The following CTNNA3 variants were observed in gnomAD, a reference collection of about 807,000 sequenced individuals.
The protein encoded by CTNNA3 is catenin alpha-3.
CTNNA3 carries 76 observed loss-of-function variants against 95.7 expected under a neutral mutation model. That is an observed-to-expected ratio of 0.79 (90% CI 0.66 to 0.96). The LOEUF is 0.96. Among genes scored for constraint, CTNNA3 ranks in the 40% least tolerant of loss-of-function variants. CTNNA3 has a pLI of 0.00. For missense variants in CTNNA3, 1,191 were observed against 1,089.8 expected (o/e 1.09, Z -1.31); for synonymous variants, 431 against 374.4 (o/e 1.15, Z -1.74).
At chr10:67,093,335 A>G (rs1002226903) in intron 7 of CTNNA3, among the ~76,000 whole-genome samples, 2 of 151,988 alleles carry the variant, frequency 1.3e-5, no homozygotes, top group Non-Finnish European at 2.9e-5. Context: ...AGGTTGACTA[A>G]GTCATTTATT....
chr10:66,633,836 G>A (rs996450373), intron 9 of CTNNA3, among the ~76,000 whole-genome samples: 3 of 151,928 alleles, frequency 2.0e-5, no homozygotes, highest in Admixed American at 6.6e-5. Context: ...TTTCTATATC[G>A]ACTGAAGTTT....
intron 7 of CTNNA3, among the ~76,000 whole-genome samples, chr10:67,129,286 G>A (rs1859874673): frequency 6.6e-6 from 1 of 151,936 alleles, no homozygotes; most frequent in Non-Finnish European, 1.5e-5. Flanking sequence ...CAATTGCCTT[G>A]GAACATTAAC....
chr10:66,036,873 T>A (rs3901431), intron 15 of CTNNA3, among the ~76,000 whole-genome samples: 14,589 of 135,656 alleles, frequency 0.11, 811 homozygotes, highest in Non-Finnish European at 0.15. Context: ...TTTTTTTTTT[T>A]TTTTTTTTTT....
In CTNNA3 at chr10:65,920,446, A is replaced by C; in HGVS notation, c.2572T>G (p.Leu858Val). The C allele has an allele frequency of 6.2e-7, 1 of 1,614,006 alleles. No individual in the cohort carries two copies. The highest frequency in any genetic ancestry group is 8.5e-7 in the Non-Finnish European group (1 of 1,179,992). ...TCCTCTGGCTTCTCTCTTTTAATCA[A>C]GGGTTTTTTTGCAGGAGCCTTCATT... ...WRMKAPAKKP[L>V]IKREKPEETC... Residue 858 changes from leucine (L) to valine (V), a missense_variant, in exon 18 of 18, where the codon TTG (leucine) becomes GTG (valine). Leu to Val is a conservative substitution (Grantham distance 32). Transcript: ENST00000433211.
At chr10:67,659,139 A>C (rs1840108833) in intron 1 of CTNNA3, among the ~76,000 whole-genome samples, 2 of 152,336 alleles carry the variant, frequency 1.3e-5, no homozygotes, top group African/African-American at 2.4e-5. Context: ...AACCAATATG[A>C]AATATGAAAA....
intron 5 of CTNNA3, among the ~76,000 whole-genome samples, chr10:67,253,917 T>C (rs1866221396): frequency 1.3e-5 from 2 of 152,166 alleles, no homozygotes; most frequent in African/African-American, 4.8e-5. Flanking sequence ...GGATCCAGTA[T>C]ACCAGGAATG....
intron 10 of CTNNA3, 34 bp from the exon 11 acceptor site, chr10:66,520,807 G>T (rs778213701): frequency 1.2e-5 from 19 of 1,571,300 alleles, no homozygotes; most frequent in Non-Finnish European, 1.6e-5. Context: ...ATTACCTATT[G>T]GTTGCAATGT....
intron 7 of CTNNA3, among the ~76,000 whole-genome samples, chr10:66,964,779 G>A (rs563255022): frequency 4.4e-4 from 67 of 152,234 alleles, no homozygotes; most frequent in African/African-American, 1.5e-3. Flanking sequence ...GAAAAGGGAG[G>A]AGATAAAGCA....
chr10:67,712,394 A>C (rs1841116561), intron 1 of CTNNA3, among the ~76,000 whole-genome samples: 1 of 152,248 alleles, frequency 6.6e-6, no homozygotes, highest in South Asian at 2.1e-4. Flanking sequence ...TCTCCAAGGC[A>C]TACCAGAGGT....
chr10:67,567,723 T>G (rs1277817393), intron 3 of CTNNA3, among the ~76,000 whole-genome samples: 2 of 152,084 alleles, frequency 1.3e-5, no homozygotes, highest in African/African-American at 4.8e-5. Context: ...TTCATGTATG[T>G]TTACTGGGAG....
At chr10:66,793,280 TACAG>T (rs1346636191) in intron 7 of CTNNA3, among the ~76,000 whole-genome samples, 2 of 152,098 alleles carry the variant, frequency 1.3e-5, no homozygotes, top group Non-Finnish European at 2.9e-5. Context: ...TAGCTGGGAC[TACAG>T]GTGCACATCA....
chr10:66,767,694 A>C (rs1334091181), intron 8 of CTNNA3, among the ~76,000 whole-genome samples: 1 of 152,182 alleles, frequency 6.6e-6, no homozygotes, highest in Non-Finnish European at 1.5e-5. Context: ...AATGAATAGT[A>C]ATACATTTTG....
At chr10:66,503,869 A>G (rs1484298897) in intron 11 of CTNNA3, among the ~76,000 whole-genome samples, 1 of 152,160 alleles carries the variant, frequency 6.6e-6, no homozygotes, top group African/African-American at 2.4e-5. Context: ...TTTTAGTAAG[A>G]ACGATAGGCA....
At chr10:66,042,941 T>C (rs1000356921) in intron 15 of CTNNA3, among the ~76,000 whole-genome samples, 1 of 74,180 alleles carries the variant, frequency 1.3e-5, no homozygotes, top group Non-Finnish European at 2.7e-5. Context: ...AAAATAAAAA[T>C]AATGAGAATA....
At chr10:67,722,326 C>T (rs1449514813) in intron 1 of CTNNA3, among the ~76,000 whole-genome samples, 1 of 152,148 alleles carries the variant, frequency 6.6e-6, no homozygotes, top group East Asian at 1.9e-4. Flanking sequence ...TTCAGTAGTA[C>T]TAGGCCAGCT....
intron 7 of CTNNA3, among the ~76,000 whole-genome samples, chr10:66,779,165 T>C (rs1438876788): frequency 6.6e-6 from 1 of 152,136 alleles, no homozygotes; most frequent in Non-Finnish European, 1.5e-5. Flanking sequence ...ATCATTGTGT[T>C]CAAAGCCTCA....
intron 14 of CTNNA3, among the ~76,000 whole-genome samples, chr10:66,095,833 C>G (rs76732119): frequency 0.026 from 3,930 of 152,154 alleles, 91 homozygotes; most frequent in Non-Finnish European, 0.039. Context: ...TAAATTACTT[C>G]TATTTATAGA....
At chr10:66,370,083 T>G (rs2092742876) in intron 12 of CTNNA3, among the ~76,000 whole-genome samples, 1 of 152,132 alleles carries the variant, frequency 6.6e-6, no homozygotes, top group Non-Finnish European at 1.5e-5. Context: ...CGAATTCACA[T>G]GGTTTATGTT....
At chr10:66,898,168 A>C (rs899874277) in intron 7 of CTNNA3, among the ~76,000 whole-genome samples, 7 of 152,226 alleles carry the variant, frequency 4.6e-5, no homozygotes, top group Non-Finnish European at 7.4e-5. Flanking sequence ...ATGACATTTA[A>C]AAACAACTCA....
Sources: gnomAD v4.1 joint callset for allele counts (sites outside exome capture counted in the v4.1 genomes callset) on GRCh38, gnomAD v4.1.1 for gene constraint, MANE v1.5 for transcripts, NCBI Gene and HGNC (gene_info 2026-07-23, HGNC 2026-07-21) for gene names.